The following TULP4 variants were observed in gnomAD, a reference collection of about 807,000 sequenced individuals.
TULP4 encodes the protein tubby-related protein 4.
In TULP4, 16 loss-of-function variants were observed where a neutral mutation model predicts 129.0. The observed-to-expected ratio is 0.12, with a 90% CI of 0.08 to 0.19. TULP4 has a LOEUF of 0.19. Ranked by LOEUF, TULP4 falls within the 10% of genes least tolerant of loss-of-function variation. TULP4 has a pLI of 1.00. For missense variants in TULP4, 1,842 were observed against 2,059.1 expected (o/e 0.89, Z 2.04); for synonymous variants, 998 against 854.0 (o/e 1.17, Z -2.94).
intron 1 of TULP4, among the ~76,000 whole-genome samples, chr6:158,254,461 G>A (rs950778351): frequency 3.3e-5 from 5 of 152,124 alleles, no homozygotes; most frequent in Non-Finnish European, 7.4e-5. Context: ...CCATTTTTAA[G>A]GTAGATGTCC....
rs935111547 is a variant in TULP4, at chr6:158,435,017, G to A, written c.543+5120G>A. ...ACGTTTCTCTGCTGTGGGAGACAAC[G>A]GGCTCTGCCCAGAACTCTTCCCAGG... On this transcript the variant is annotated intron_variant, in intron 3 of 13. Transcript: ENST00000367097. Among the ~76,000 whole-genome samples the A allele has an allele frequency of 2.0e-5, 3 of 152,202 alleles. No homozygotes were observed. In the East Asian group the frequency reaches 5.8e-4, roughly 29 times the overall value.
At chr6:158,347,657 C>T (rs1020020142) in intron 1 of TULP4, among the ~76,000 whole-genome samples, 6 of 152,238 alleles carry the variant, frequency 3.9e-5, no homozygotes, top group Non-Finnish European at 7.3e-5. Flanking sequence ...GCTGACCTTC[C>T]TGAAGTGAGC....
intron 8 of TULP4, among the ~76,000 whole-genome samples, chr6:158,483,031 A>G (rs187698661): frequency 1.5e-3 from 230 of 152,366 alleles, no homozygotes; most frequent in African/African-American, 5.2e-3. Context: ...CTATAAAACA[A>G]AGCACATTGA....
intron 1 of TULP4, among the ~76,000 whole-genome samples, chr6:158,243,767 C>T (rs1185364623): frequency 2.0e-5 from 3 of 151,252 alleles, no homozygotes; most frequent in Admixed American, 2.0e-4. Flanking sequence ...AGCAACCATT[C>T]TTGAATGTTA....
chr6:158,389,858 T>C (rs1777543397), intron 1 of TULP4, among the ~76,000 whole-genome samples: 1 of 152,152 alleles, frequency 6.6e-6, no homozygotes. Flanking sequence ...CCAGCAGTTA[T>C]GCTAGGTAGT....
chr6:158,350,332 G>A (rs901846529), intron 1 of TULP4, among the ~76,000 whole-genome samples: 248 of 150,966 alleles, frequency 1.6e-3, no homozygotes, highest in Non-Finnish European at 2.6e-3. Context: ...GGTGGCGGGC[G>A]GGCAGAGGCT....
chr6:158,390,050 G>A (rs185837897), intron 1 of TULP4, among the ~76,000 whole-genome samples: 5 of 148,738 alleles, frequency 3.4e-5, no homozygotes, highest in African/African-American at 7.4e-5. Flanking sequence ...CAGCCTGGAC[G>A]ACAGAGTGAG....
At chr6:158,487,029 C>T (rs186867849) in intron 8 of TULP4, among the ~76,000 whole-genome samples, 6 of 152,264 alleles carry the variant, frequency 3.9e-5, no homozygotes, top group African/African-American at 1.2e-4. Context: ...AGGCAGATCA[C>T]CTGAGGTCAG....
chr6:158,274,572 C>G (rs112025372), intron 1 of TULP4, among the ~76,000 whole-genome samples: 2 of 151,972 alleles, frequency 1.3e-5, no homozygotes, highest in Admixed American at 6.6e-5. Context: ...GTCAGGAGAT[C>G]GAGACCATCC....
chr6:158,432,935 T>C (rs952550928), intron 3 of TULP4, among the ~76,000 whole-genome samples: 5 of 152,218 alleles, frequency 3.3e-5, no homozygotes, highest in East Asian at 1.9e-4. Flanking sequence ...CAACATGTGT[T>C]TCCTGAGAAT....
chr6:158,402,763 T>G (rs1777882916), intron 1 of TULP4, among the ~76,000 whole-genome samples: 1 of 152,230 alleles, frequency 6.6e-6, no homozygotes, highest in African/African-American at 2.4e-5. Flanking sequence ...GTGTACATTT[T>G]GAAATGGCAG....
At chr6:158,378,485 T>TTTTTGTTG (rs1554285635) in intron 1 of TULP4, among the ~76,000 whole-genome samples, 1 of 51,288 alleles carries the variant, frequency 1.9e-5, no homozygotes, top group Non-Finnish European at 3.9e-5. Context: ...TTTTTTTTTT[T>TTTTTGTTG]GGTGGGGGTG....
chr6:158,391,352 T>C (rs970328579), intron 1 of TULP4, among the ~76,000 whole-genome samples: 53 of 152,210 alleles, frequency 3.5e-4, no homozygotes, highest in African/African-American at 1.2e-3. Flanking sequence ...TCTTGTCTTT[T>C]GTTTTAATAA....
intron 6 of TULP4, among the ~76,000 whole-genome samples, chr6:158,477,507 T>A (rs1306400246): frequency 1.3e-5 from 2 of 152,086 alleles, no homozygotes; most frequent in African/African-American, 4.8e-5. Context: ...AACAAGCATA[T>A]GAAAAATGCT....
intron 2 of TULP4, among the ~76,000 whole-genome samples, chr6:158,429,187 G>A (rs939764890): frequency 6.6e-6 from 1 of 152,206 alleles, no homozygotes; most frequent in Admixed American, 6.5e-5. Flanking sequence ...TGCCCAGGCT[G>A]GAGTGCAGTG....
intron 1 of TULP4, among the ~76,000 whole-genome samples, chr6:158,322,966 G>A (rs1434547357): frequency 3.3e-5 from 5 of 152,176 alleles, no homozygotes; most frequent in Non-Finnish European, 7.3e-5. Flanking sequence ...TTAGGATTTA[G>A]CACGTTTAGC....
At chr6:158,395,760 AGT>A (rs1230119276) in intron 1 of TULP4, among the ~76,000 whole-genome samples, 1 of 150,908 alleles carries the variant, frequency 6.6e-6, no homozygotes, top group Admixed American at 6.6e-5. Flanking sequence ...GGAAACAACG[AGT>A]GTCTACCACA....
chr6:158,445,620 G>T (rs969097577), intron 3 of TULP4, among the ~76,000 whole-genome samples: 1 of 152,162 alleles, frequency 6.6e-6, no homozygotes, highest in Non-Finnish European at 1.5e-5. Context: ...AATTCTGTGT[G>T]GTGGGGCCCA....
intron 1 of TULP4, among the ~76,000 whole-genome samples, chr6:158,340,381 G>A (rs1382552412): frequency 1.3e-5 from 2 of 152,142 alleles, no homozygotes; most frequent in Non-Finnish European, 2.9e-5. Context: ...GTTCCTGAGT[G>A]TGCCTAAGTG....
Sources: allele counts gnomAD v4.1 joint callset (sites outside exome capture counted in the v4.1 genomes callset), GRCh38; gene constraint gnomAD v4.1.1; transcripts MANE v1.5; gene names NCBI Gene and HGNC (gene_info 2026-07-23, HGNC 2026-07-21).